Variants in OSBPL9 observed in about 807,000 individuals in gnomAD.
OSBPL9 encodes the protein oxysterol-binding protein-related protein 9.
Under a neutral mutation model 106.6 loss-of-function variants are expected in OSBPL9, and 40 were observed. The observed-to-expected ratio is 0.38, with a 90% CI of 0.29 to 0.49. The LOEUF (loss-of-function observed/expected upper bound fraction) is 0.49, where lower values mean the gene tolerates loss of function less well. Ranked by LOEUF, OSBPL9 falls within the 20% of genes least tolerant of loss-of-function variation. The pLI, the probability that OSBPL9 is intolerant of heterozygous loss-of-function variation, is 0.97. For missense variants in OSBPL9, 609 were observed against 887.2 expected (o/e 0.69, Z 3.98); for synonymous variants, 269 against 295.4 (o/e 0.91, Z 0.92).
chr1:51,585,002 C>G (rs1005146453), intron 1 of OSBPL9, among the ~76,000 whole-genome samples: 5 of 152,056 alleles, frequency 3.3e-5, no homozygotes, highest in Admixed American at 6.6e-5. Flanking sequence ...CTGGAGGGTG[C>G]TAAGCACTAC....
chr1:51,625,560 A>G (rs191426939), intron 1 of OSBPL9, among the ~76,000 whole-genome samples: 1 of 150,674 alleles, frequency 6.6e-6, no homozygotes, highest in East Asian at 1.9e-4. Context: ...CTGCTCTGTC[A>G]TCCAGGCTGG....
chr1:51,726,648 AT>A (rs1177558716), intron 4 of OSBPL9, among the ~76,000 whole-genome samples: 1 of 152,208 alleles, frequency 6.6e-6, no homozygotes. Flanking sequence ...TAATCACCTA[AT>A]AGCCTTAGTT....
chr1:51,733,668 G>A (rs953577742), intron 4 of OSBPL9, among the ~76,000 whole-genome samples: 3 of 152,054 alleles, frequency 2.0e-5, no homozygotes, highest in Non-Finnish European at 1.5e-5. Context: ...CCAGCCACTT[G>A]GGGGGCTGAG....
At chr1:51,744,672 G>A (rs1667599631) in intron 4 of OSBPL9, among the ~76,000 whole-genome samples, 2 of 152,052 alleles carry the variant, frequency 1.3e-5, no homozygotes, top group Admixed American at 1.3e-4. Context: ...GGTTGGGTTG[G>A]GATTTTTACA....
At chr1:51,682,046 A>C (rs971731495) in intron 3 of OSBPL9, among the ~76,000 whole-genome samples, 3 of 152,034 alleles carry the variant, frequency 2.0e-5, no homozygotes, top group Non-Finnish European at 4.4e-5. Flanking sequence ...TACCAAAAAT[A>C]CAAAAATTAG....
At chr1:51,678,010 CAA>C (rs1208601837) in intron 3 of OSBPL9, among the ~76,000 whole-genome samples, 1 of 129,324 alleles carries the variant, frequency 7.7e-6, no homozygotes. Context: ...CCTGTCTCTA[CAA>C]AAAAAAAAAA....
At chr1:51,595,876 A>G (rs1017000413) in intron 1 of OSBPL9, among the ~76,000 whole-genome samples, 11 of 152,192 alleles carry the variant, frequency 7.2e-5, no homozygotes, top group Admixed American at 3.9e-4. Flanking sequence ...CCAAGGTCAC[A>G]CAGAGATGGA....
chr1:51,601,445 A>G (rs1377670987), intron 2 of OSBPL9, among the ~76,000 whole-genome samples: 1 of 152,264 alleles, frequency 6.6e-6, no homozygotes, highest in East Asian at 1.9e-4. Flanking sequence ...AGAACTTTGC[A>G]GTTATCCAAT....
At chr1:51,748,708 C>A (rs1056094331) in intron 7 of OSBPL9, among the ~76,000 whole-genome samples, 10 of 152,240 alleles carry the variant, frequency 6.6e-5, no homozygotes, top group Admixed American at 3.3e-4. Context: ...TAATTAATTT[C>A]TTTGATTCTT....
chr1:51,681,133 G>GT (rs1489592135), intron 3 of OSBPL9, among the ~76,000 whole-genome samples: 2 of 151,978 alleles, frequency 1.3e-5, no homozygotes, highest in African/African-American at 4.8e-5. Context: ...ATTTAATAAT[G>GT]TTTTTTCAGT....
chr1:51,573,445 T>C (rs1201804354), upstream of OSBPL9, among the ~76,000 whole-genome samples: 1 of 143,974 alleles, frequency 6.9e-6, no homozygotes, highest in Admixed American at 7.1e-5. Flanking sequence ...GAGGCCGAGG[T>C]TGTGGTGAGC....
chr1:51,781,468 G>A, intron 16 of OSBPL9, 133 bp downstream of exon 16: 4 of 898,964 alleles, frequency 4.4e-6, no homozygotes, highest in Non-Finnish European at 6.7e-6. Flanking sequence ...TGTTGTTAGA[G>A]CAGCATAGTT....
chr1:51,644,971 C>CA (rs1646055684), intron 1 of OSBPL9, among the ~76,000 whole-genome samples: 1 of 152,182 alleles, frequency 6.6e-6, no homozygotes, highest in African/African-American at 2.4e-5. Context: ...AACACTGCAA[C>CA]AGTGTTGGGA....
chr1:51,679,837 A>G (rs2148795176), intron 3 of OSBPL9, among the ~76,000 whole-genome samples: 1 of 152,320 alleles, frequency 6.6e-6, no homozygotes, highest in African/African-American at 2.4e-5. Context: ...GCATATTGTT[A>G]TAATTGTTCT....
intron 1 of OSBPL9, among the ~76,000 whole-genome samples, chr1:51,617,599 C>T (rs918276500): frequency 1.1e-4 from 16 of 152,168 alleles, no homozygotes; most frequent in African/African-American, 3.6e-4. Flanking sequence ...GGACTTTACA[C>T]TGTCCCACCA....
intron 3 of OSBPL9, 72 bp downstream of exon 3, chr1:51,669,584 C>A: frequency 6.8e-7 from 1 of 1,462,786 alleles, no homozygotes. Context: ...GGGTTGTTTG[C>A]TGGATGACTT....
chr1:51,786,039 C>G (rs1677541548), intron 21 of OSBPL9, 153 bp downstream of exon 21: 1 of 640,396 alleles, frequency 1.6e-6, no homozygotes, highest in Non-Finnish European at 2.7e-6. Flanking sequence ...TGTATGTCAT[C>G]TCTTCAGGGC....
the OSBPL9 span, among the ~76,000 whole-genome samples, chr1:51,520,582 C>A: frequency 6.6e-6 from 1 of 152,178 alleles, no homozygotes; most frequent in Non-Finnish European, 1.5e-5. Context: ...TGTATTTGCC[C>A]GAATTGGTCT....
chr1:51,597,724 G>A (rs1645310162), intron 1 of OSBPL9, among the ~76,000 whole-genome samples: 2 of 152,132 alleles, frequency 1.3e-5, no homozygotes, highest in Admixed American at 6.6e-5. Flanking sequence ...AAGCAGCAAG[G>A]AAAACAATGA....
Sources: allele counts gnomAD v4.1 joint callset (sites outside exome capture counted in the v4.1 genomes callset), GRCh38; gene constraint gnomAD v4.1.1; transcripts MANE v1.5; gene names NCBI Gene and HGNC (gene_info 2026-07-23, HGNC 2026-07-21).